Variants in MYH14 observed in about 807,000 individuals in gnomAD.
MYH14 encodes myosin heavy chain 14, also known as myosin-14.
Under a neutral mutation model 255.5 loss-of-function variants are expected in MYH14, and 123 were observed. The observed-to-expected ratio is 0.48, with a 90% CI of 0.42 to 0.56. The LOEUF (loss-of-function observed/expected upper bound fraction) is 0.56, where lower values mean the gene tolerates loss of function less well. Ranked by LOEUF, MYH14 falls within the 20% of genes least tolerant of loss-of-function variation. MYH14 has a pLI of 0.00. For missense variants in MYH14, 2,423 were observed against 2,802.3 expected, an observed-to-expected ratio of 0.86 and a Z score of 3.06; for synonymous variants, 1,095 against 1,161.2, an observed-to-expected ratio of 0.94 and a Z score of 1.16.
intron 24 of MYH14, among the ~76,000 whole-genome samples, chr19:50,271,022 G>A (rs2035280189): frequency 6.6e-6 from 1 of 151,916 alleles, no homozygotes; most frequent in Non-Finnish European, 1.5e-5. Context: ...TTTATAATCT[G>A]TACCCCTAAC....
intron 19 of MYH14, 95 bp downstream of exon 19, chr19:50,259,360 T>C (rs2034735651): frequency 1.4e-6 from 2 of 1,474,046 alleles, no homozygotes; most frequent in Admixed American, 4.2e-5. Context: ...CACCCACTCT[T>C]GTTCCTTCTG....
intron 39 of MYH14, among the ~76,000 whole-genome samples, chr19:50,301,440 CA>C (rs1389132924): frequency 1.5e-4 from 23 of 152,296 alleles, no homozygotes; most frequent in African/African-American, 5.5e-4. Context: ...GAAAACTATC[CA>C]AAATGTTAAG....
intron 2 of MYH14, among the ~76,000 whole-genome samples, chr19:50,212,087 C>T (rs75598426): frequency 0.039 from 5,889 of 152,214 alleles, 122 homozygotes; most frequent in Middle Eastern, 0.055. Flanking sequence ...ATTGGAGGTT[C>T]GTTGCATTTT....
intron 10 of MYH14, 73 bp from the exon 11 acceptor site, chr19:50,244,169 A>G: frequency 1.5e-6 from 2 of 1,341,888 alleles, no homozygotes; most frequent in Non-Finnish European, 2.1e-6. Context: ...TTTAAGTTAC[A>G]TGTTTAAGGG....
intron 10 of MYH14, among the ~76,000 whole-genome samples, chr19:50,237,109 A>G (rs2033692123): frequency 6.6e-6 from 1 of 152,160 alleles, no homozygotes; most frequent in African/African-American, 2.4e-5. Context: ...TCCACATTGT[A>G]GCATGCAGTA....
At chr19:50,240,818 C>A in intron 10 of MYH14, among the ~76,000 whole-genome samples, 1 of 151,712 alleles carries the variant, frequency 6.6e-6, no homozygotes, top group African/African-American at 2.4e-5. Context: ...GAAAAACAAA[C>A]AAAAAAACCC....
chr19:50,216,269 G>A (rs2032465448), intron 2 of MYH14, among the ~76,000 whole-genome samples: 2 of 151,980 alleles, frequency 1.3e-5, no homozygotes, highest in Admixed American at 6.6e-5. Context: ...GAGGTCAGGA[G>A]TTCAAGACCA....
Position 50,221,328 on chromosome 19 carries a change from G to A in MYH14, c.563-1755G>A, listed in dbSNP as rs1358678783. Reference sequence around the variant, plus strand: ...CAGCAAGTCAGAGAGGCAGCCGGGCGGTGAACCTGTGTGCATATAGTCCCC... The same window carrying A: ...CAGCAAGTCAGAGAGGCAGCCGGGCAGTGAACCTGTGTGCATATAGTCCCC... On this transcript the variant is annotated intron_variant, in intron 3 of 42. Coordinates refer to ENST00000642316, the MANE Select transcript of MYH14 (RefSeq NM_001145809.2). The surrounding 1 kb of genome is among the most constrained non-coding windows in gnomAD (Gnocchi z 5.3). Among the ~76,000 whole-genome samples, 4 of 152,066 alleles carry A rather than the reference G, an allele frequency of 2.6e-5. No individual in the cohort carries two copies. Among genetic ancestry groups the A allele is most frequent in the Admixed American group, 6.6e-5 (1 of 15,260 alleles).
chr19:50,281,835 T>A lies in MYH14; in HGVS notation c.4532T>A (p.Phe1511Tyr). The A allele has an allele frequency of 6.2e-7, 1 of 1,610,764 alleles. No homozygotes were observed. Among genetic ancestry groups the A allele is most frequent in the South Asian group, 1.1e-5 (1 of 90,988 alleles). Residue 1511 changes from phenylalanine (F) to tyrosine (Y), a missense_variant, in exon 33 of 43, where the codon TTT becomes TAT. By Grantham distance (22) the Phe-to-Tyr change is conservative (BLOSUM62 3). Transcript: ENST00000642316. ...ACCCTGGAGAAGAAGCAGCGCAAGT[T>A]TGACCAGGTGGGGCACCTCAGTTCA... is the stretch of plus-strand genomic sequence containing the variant. ...VSTLEKKQRK[F>Y]DQLLAEEKAA... is the part of the protein sequence containing the mutation.
At chr19:50,303,767 A>G (rs774764745) in intron 40 of MYH14, among the ~76,000 whole-genome samples, 25 of 152,332 alleles carry the variant, frequency 1.6e-4, no homozygotes, top group South Asian at 4.1e-4. Context: ...AATGGCTGCA[A>G]TTGCACCAAG....
chr19:50,299,963 CA>C (rs550241933), intron 39 of MYH14, among the ~76,000 whole-genome samples: 85 of 152,016 alleles, frequency 5.6e-4, no homozygotes, highest in Middle Eastern at 3.4e-3. Flanking sequence ...CAAAAACAAA[CA>C]AACAACAACA....
intron 3 of MYH14, among the ~76,000 whole-genome samples, chr19:50,219,310 G>T (rs1486350038): frequency 6.6e-6 from 1 of 151,690 alleles, no homozygotes; most frequent in Non-Finnish European, 1.5e-5. Flanking sequence ...CCAGAGTAGG[G>T]TTGCTGGATC....
intron 19 of MYH14, 88 bp downstream of exon 19, chr19:50,259,353 C>T: frequency 6.7e-7 from 1 of 1,499,468 alleles, no homozygotes; most frequent in South Asian, 1.2e-5. Flanking sequence ...AGGTCTCCAC[C>T]CACTCTTGTT....
chr19:50,279,875 A>G (rs1290957817), intron 30 of MYH14, among the ~76,000 whole-genome samples, 162 bp from the exon 31 acceptor site: 5 of 152,208 alleles, frequency 3.3e-5, no homozygotes, highest in Non-Finnish European at 7.3e-5. Context: ...TTGTTGGGTC[A>G]TGTGGGAACC....
At chr19:50,278,010 C>G in intron 29 of MYH14, 73 bp from the exon 30 acceptor site, 1 of 1,232,562 alleles carries the variant, frequency 8.1e-7, no homozygotes, top group Non-Finnish European at 1.1e-6. Flanking sequence ...TGCAAAGGCC[C>G]TGAGATGGGA....
At chr19:50,308,750 G>T (rs1306327367) in intron 41 of MYH14, 1 of 463,032 alleles carries the variant, frequency 2.2e-6, no homozygotes, top group East Asian at 3.3e-5. Flanking sequence ...TGAGCAGGAG[G>T]GTCTGGGTCA....
chr19:50,272,541 C>T lies in MYH14; in HGVS notation c.3296-19C>T. On this transcript the variant is annotated intron_variant, in intron 26 of 42. Coordinates refer to ENST00000642316, the MANE Select transcript of MYH14 (RefSeq NM_001145809.2). ...GCAGGCCTGGAGTCCTCATGCACGG[C>T]CCCCACCCCTGCCTCCAGACCGCCT... The T allele has an allele frequency of 1.3e-6, 2 of 1,556,698 alleles. No individual in the cohort carries two copies. The highest frequency in any genetic ancestry group is 1.2e-5 in the South Asian group (1 of 84,358).
intron 41 of MYH14, 85 bp downstream of exon 41, chr19:50,307,242 C>T (rs2036684620): frequency 1.6e-5 from 13 of 802,384 alleles, no homozygotes; most frequent in Non-Finnish European, 2.7e-5. Context: ...AGGCAATGAG[C>T]TCCCATCACA....
intron 33 of MYH14, among the ~76,000 whole-genome samples, chr19:50,284,045 C>T (rs1322191215): frequency 6.6e-6 from 1 of 150,470 alleles, no homozygotes; most frequent in Non-Finnish European, 1.5e-5. Flanking sequence ...GCACTCCAGC[C>T]TGGGCAACAA....
Sources: allele counts gnomAD v4.1 joint callset (sites outside exome capture counted in the v4.1 genomes callset), GRCh38; gene constraint gnomAD v4.1.1; non-coding constraint Gnocchi (gnomAD v3.1); transcripts MANE v1.5; gene names NCBI Gene and HGNC (gene_info 2026-07-23, HGNC 2026-07-21).